The following SGCZ variants were observed in gnomAD, a reference collection of about 807,000 sequenced individuals.
The protein encoded by SGCZ is zeta-sarcoglycan.
A neutral mutation model predicts 41.3 loss-of-function variants in SGCZ; 40 were observed. That is an observed-to-expected ratio of 0.97 (90% CI 0.75 to 1.26). The LOEUF (loss-of-function observed/expected upper bound fraction) is 1.26, where lower values mean the gene tolerates loss of function less well. Among genes scored for constraint, SGCZ ranks in the 50% most tolerant of loss-of-function variants. The probability of loss-of-function intolerance (pLI) is 0.00; values close to 1 mark genes in which losing one functional copy is unlikely to be tolerated. For missense variants in SGCZ, 552 were observed against 369.8 expected, an observed-to-expected ratio of 1.49 and a Z score of -4.04; for synonymous variants, 206 against 137.5, an observed-to-expected ratio of 1.50 and a Z score of -3.49.
chr8:14,876,469 G>C (rs1054453867), intron 1 of SGCZ, among the ~76,000 whole-genome samples: 1 of 152,010 alleles, frequency 6.6e-6, no homozygotes, highest in African/African-American at 2.4e-5. Flanking sequence ...CTAAACCCAA[G>C]ACAAGTGGAA....
At chr8:14,713,934 T>A (rs1333276277) in intron 1 of SGCZ, among the ~76,000 whole-genome samples, 1 of 152,102 alleles carries the variant, frequency 6.6e-6, no homozygotes, top group African/African-American at 2.4e-5. Context: ...TATAGAGAGG[T>A]AACTCCATTT....
intron 1 of SGCZ, among the ~76,000 whole-genome samples, chr8:15,103,431 A>AATAAATAAATAC (rs1400129111): frequency 6.6e-6 from 1 of 151,674 alleles, no homozygotes; most frequent in South Asian, 2.1e-4. Context: ...TAAATAAATA[A>AATAAATAAATAC]AAGTAAATGA....
intron 2 of SGCZ, among the ~76,000 whole-genome samples, chr8:14,437,229 C>G (rs1277399497): frequency 1.3e-5 from 2 of 152,058 alleles, no homozygotes; most frequent in African/African-American, 4.8e-5. Context: ...AAAAGCAAGA[C>G]AGACCAACGG....
At chr8:14,811,738 C>A (rs2130539267) in intron 1 of SGCZ, among the ~76,000 whole-genome samples, 1 of 151,876 alleles carries the variant, frequency 6.6e-6, no homozygotes, top group South Asian at 2.1e-4. Context: ...CATACAGAAG[C>A]AATTCCAGGT....
chr8:15,015,317 A>G (rs979212804), intron 1 of SGCZ, among the ~76,000 whole-genome samples: 4 of 152,164 alleles, frequency 2.6e-5, no homozygotes, highest in African/African-American at 4.8e-5. Context: ...CTTTGCATCA[A>G]TTGACAAATA....
chr8:14,438,429 T>G (rs2117359344), intron 2 of SGCZ, among the ~76,000 whole-genome samples: 1 of 152,108 alleles, frequency 6.6e-6, no homozygotes. Flanking sequence ...TACTTATTAT[T>G]AATTTTCTAG....
intron 2 of SGCZ, among the ~76,000 whole-genome samples, chr8:14,422,367 C>G (rs891499151): frequency 6.6e-6 from 1 of 152,152 alleles, no homozygotes; most frequent in Non-Finnish European, 1.5e-5. Context: ...TGTATATTTA[C>G]TTTGCTGACT....
At position 15,231,263 on chromosome 8, in the gene SGCZ, A is replaced by T. The variant is rs77674777; in HGVS notation, c.39+6322T>A. Among the ~76,000 whole-genome samples, 347 of 152,306 alleles carry T rather than the reference A, an allele frequency of 2.3e-3. 3 individuals carry two copies. Among genetic ancestry groups the T allele is most frequent in the African/African-American group, 7.4e-3 (309 of 41,570 alleles). ...TCTATTTTTAAAGGTTTCATATGTC[A>T]ACTTGGCATAGAACACTCTAGATAA... is the stretch of plus-strand genomic sequence containing the variant. On this transcript the variant is annotated intron_variant, in intron 1 of 7. Coordinates refer to ENST00000382080, the MANE Select transcript of SGCZ (RefSeq NM_139167.4).
rs1039252401 is a variant in SGCZ, at chr8:14,370,259, A to T, written c.235-46055T>A. ...TAATAGAGTACAGTACTCAAAGACA[A>T]CTTTCATCACATGGCTATTAAATAT... On this transcript the variant is annotated intron_variant, in intron 2 of 7. Coordinates refer to ENST00000382080, the MANE Select transcript of SGCZ (RefSeq NM_139167.4). Among the ~76,000 whole-genome samples, 5 of 151,910 alleles carry T rather than the reference A, an allele frequency of 3.3e-5. No homozygotes were observed. The East Asian group carries it at 9.6e-4, about 29-fold the overall frequency.
chr8:14,999,206 G>T (rs1048058327), intron 1 of SGCZ, among the ~76,000 whole-genome samples: 2 of 152,120 alleles, frequency 1.3e-5, no homozygotes, highest in African/African-American at 4.8e-5. Context: ...AATACATGGG[G>T]TTTCTCTTAA....
chr8:14,905,186 T>C lies in SGCZ; in HGVS notation c.39+332399A>G, dbSNP rs193094832. The stretch of plus-strand genomic sequence containing the variant: ...TCATAGATGAAGTTAATCGACAAGA[T>C]TTTACTATCTAAAATATAACAAACA... On this transcript the variant is annotated intron_variant, in intron 1 of 7. Transcript: ENST00000382080. Among the ~76,000 whole-genome samples the C allele has an allele frequency of 4.5e-3, 686 of 152,078 alleles. 6 individuals carry two copies. The highest frequency in any genetic ancestry group is 0.015 in the African/African-American group (622 of 41,530).
chr8:15,122,468 T>A (rs1807519041), intron 1 of SGCZ, among the ~76,000 whole-genome samples: 1 of 152,182 alleles, frequency 6.6e-6, no homozygotes, highest in African/African-American at 2.4e-5. Flanking sequence ...GTTTTGCTTT[T>A]TGTAGGTCAT....
intron 3 of SGCZ, among the ~76,000 whole-genome samples, chr8:14,243,901 T>G (rs1798982040): frequency 6.6e-6 from 1 of 152,216 alleles, no homozygotes; most frequent in Non-Finnish European, 1.5e-5. Context: ...TCATGTGATT[T>G]GTAACCTTCA....
chr8:14,674,242 G>A (rs573607242), intron 1 of SGCZ, among the ~76,000 whole-genome samples: 1 of 151,740 alleles, frequency 6.6e-6, no homozygotes, highest in African/African-American at 2.4e-5. Flanking sequence ...CCTGATTTCG[G>A]TGTTTCCTAC....
At chr8:14,887,850 T>C (rs1804868536) in intron 1 of SGCZ, among the ~76,000 whole-genome samples, 2 of 152,156 alleles carry the variant, frequency 1.3e-5, no homozygotes, top group South Asian at 2.1e-4. Context: ...TTCATCCATA[T>C]AGTTGCAAAA....
chr8:14,170,288 T>A (rs1804339401), intron 4 of SGCZ, among the ~76,000 whole-genome samples: 1 of 152,122 alleles, frequency 6.6e-6, no homozygotes, highest in South Asian at 2.1e-4. Flanking sequence ...ACAAAAACAT[T>A]CTGAGGTGAA....
intron 4 of SGCZ, among the ~76,000 whole-genome samples, chr8:14,231,077 T>C (rs1806549561): frequency 6.6e-6 from 1 of 151,922 alleles, no homozygotes; most frequent in South Asian, 2.1e-4. Context: ...CCTATGTGTA[T>C]GGACTGGGAA....
chr8:14,411,776 AACTC>A, intron 2 of SGCZ, among the ~76,000 whole-genome samples: 1 of 152,234 alleles, frequency 6.6e-6, no homozygotes, highest in Admixed American at 6.5e-5. Context: ...TCATCAATAA[AACTC>A]ACTGACATGT....
intron 2 of SGCZ, among the ~76,000 whole-genome samples, chr8:14,387,302 C>T (rs549382395): frequency 6.6e-6 from 1 of 152,280 alleles, no homozygotes; most frequent in East Asian, 1.9e-4. Context: ...TCCTCCCATC[C>T]TGGTCTCCCA....
Sources: gnomAD v4.1 joint callset for allele counts (sites outside exome capture counted in the v4.1 genomes callset) on GRCh38, gnomAD v4.1.1 for gene constraint, MANE v1.5 for transcripts, NCBI Gene and HGNC (gene_info 2026-07-23, HGNC 2026-07-21) for gene names.